Variants in CADM1 observed in about 807,000 individuals in gnomAD.
CADM1 encodes the protein TSLC-1.
Under a neutral mutation model 53.1 loss-of-function variants are expected in CADM1, and 15 were observed. The observed-to-expected ratio is 0.28, with a 90% confidence interval of 0.19 to 0.44. The LOEUF is 0.44. CADM1 is among the 20% of genes least tolerant of loss of function. The pLI, the probability that CADM1 is intolerant of heterozygous loss-of-function variation, is 1.00. For synonymous variants in CADM1, 281 were observed against 243.0 expected, an observed-to-expected ratio of 1.16 and a Z score of -1.45; for missense variants, 434 against 611.3, an observed-to-expected ratio of 0.71 and a Z score of 3.06.
At position 115,217,903 on chromosome 11, in the gene CADM1, G is replaced by A. The variant is rs770714520; in HGVS notation, c.810C>T (p.Ile270=). 30 of 1,612,766 alleles carry A rather than the reference G, an allele frequency of 1.9e-5. No homozygotes were observed. The highest frequency in any genetic ancestry group is 1.3e-4 in the East Asian group (6 of 44,870). ...GDALELTCEA[I]GKPQPVMVTW... ...CCTTCAGAACTTACTGGGGCTTCCC[G>A]ATGGCTTCACATGTTAACTCAAGCG... Residue 270 remains isoleucine, a synonymous_variant, in exon 6 of 12, where the codon ATC becomes ATT. Transcript: ENST00000331581.
chr11:115,417,683 GA>G (rs1229153767), intron 1 of CADM1, among the ~76,000 whole-genome samples: 1 of 152,290 alleles, frequency 6.6e-6, no homozygotes, highest in Admixed American at 6.5e-5. Flanking sequence ...AACCCAGTGG[GA>G]CAGAGTGGGA....
At chr11:115,269,399 T>G (rs983251633) in intron 1 of CADM1, among the ~76,000 whole-genome samples, 11 of 152,344 alleles carry the variant, frequency 7.2e-5, no homozygotes, top group African/African-American at 2.6e-4. Context: ...CACGCTTCGA[T>G]GCCCTCTTTG....
intron 1 of CADM1, among the ~76,000 whole-genome samples, chr11:115,495,611 T>C (rs1565455336): frequency 1.3e-5 from 2 of 152,182 alleles, no homozygotes; most frequent in Non-Finnish European, 1.5e-5. Flanking sequence ...TCTACCAAAA[T>C]GCAAAATGTA....
At chr11:115,415,399 C>T (rs220847) in intron 1 of CADM1, among the ~76,000 whole-genome samples, 54,840 of 151,800 alleles carry the variant, frequency 0.36, 11,113 homozygotes, top group Non-Finnish European at 0.47. Context: ...ATCCTATGGC[C>T]GGTAGCTAAA....
chr11:115,411,947 G>A (rs539019413), intron 1 of CADM1, among the ~76,000 whole-genome samples: 1 of 152,154 alleles, frequency 6.6e-6, no homozygotes, highest in South Asian at 2.1e-4. Context: ...AGCACCTCTT[G>A]ACAAGACTAA....
chr11:115,424,826 A>G (rs1947851491), intron 1 of CADM1, among the ~76,000 whole-genome samples: 1 of 152,116 alleles, frequency 6.6e-6, no homozygotes, highest in Non-Finnish European at 1.5e-5. Flanking sequence ...ACGCCCAGCC[A>G]GAAAACACAC....
At chr11:115,307,523 T>A (rs111615287) in intron 1 of CADM1, among the ~76,000 whole-genome samples, 3 of 148,684 alleles carry the variant, frequency 2.0e-5, no homozygotes, top group Admixed American at 1.3e-4. Flanking sequence ...AAAAAATATA[T>A]ATATATATAT....
At chr11:115,432,231 CA>C (rs1948073881) in intron 1 of CADM1, among the ~76,000 whole-genome samples, 1 of 152,110 alleles carries the variant, frequency 6.6e-6, no homozygotes, top group East Asian at 1.9e-4. Flanking sequence ...AGGCGTGAGC[CA>C]CCACACCCGG....
chr11:115,344,678 A>G (rs891270647), intron 1 of CADM1, among the ~76,000 whole-genome samples: 4 of 152,104 alleles, frequency 2.6e-5, no homozygotes, highest in African/African-American at 4.8e-5. Flanking sequence ...CCTGATCTAT[A>G]TATTTTTGCC....
At chr11:115,281,453 G>T (rs868033428) in intron 1 of CADM1, among the ~76,000 whole-genome samples, 2 of 152,162 alleles carry the variant, frequency 1.3e-5, no homozygotes, top group Non-Finnish European at 2.9e-5. Context: ...CGGGGGCAAA[G>T]CCACTTTCAA....
At chr11:115,338,863 CTTTTATTTTTTTTAT>C in intron 1 of CADM1, among the ~76,000 whole-genome samples, 1 of 93,218 alleles carries the variant, frequency 1.1e-5, no homozygotes, top group African/African-American at 3.3e-5. Context: ...GTTCCACCTT[CTTTTATTTTTTTTAT>C]TTTTTTTTTT....
intron 1 of CADM1, among the ~76,000 whole-genome samples, chr11:115,271,277 TTTGTTG>T (rs140375460): frequency 2.7e-4 from 41 of 151,830 alleles, no homozygotes; most frequent in African/African-American, 9.7e-4. Flanking sequence ...TTGTTGTTGT[TTTGTTG>T]TTGTTGTTGT....
chr11:115,502,679 A>G lies in CADM1; in HGVS notation c.124+1592T>C, dbSNP rs534572885. Among the ~76,000 whole-genome samples the G allele has an allele frequency of 4.1e-4, 62 of 152,106 alleles. 1 individual carries two copies. In the South Asian group the frequency reaches 0.011, roughly 28 times the overall value. On this transcript the variant is annotated intron_variant, in intron 1 of 11. Transcript: ENST00000331581. Reference sequence around the variant, plus strand: ...TTGACGCTGCTGCCAGACGCCCCCCAATAGGTTTCCCAAGCCGAGCTCCTT... The same window carrying G: ...TTGACGCTGCTGCCAGACGCCCCCCGATAGGTTTCCCAAGCCGAGCTCCTT...
At chr11:115,180,172 C>T (rs562059001) in intron 10 of CADM1, among the ~76,000 whole-genome samples, 5 of 152,190 alleles carry the variant, frequency 3.3e-5, no homozygotes, top group Admixed American at 2.0e-4. Flanking sequence ...CACTTTCTAT[C>T]GATATTTCCA....
intron 1 of CADM1, among the ~76,000 whole-genome samples, chr11:115,364,704 T>C (rs1946114698): frequency 6.6e-6 from 1 of 152,198 alleles, no homozygotes; most frequent in Non-Finnish European, 1.5e-5. Context: ...TCGTTGACAG[T>C]TTCACCTCTG....
intron 9 of CADM1, among the ~76,000 whole-genome samples, chr11:115,194,632 A>T (rs1339430771): frequency 6.6e-6 from 1 of 152,302 alleles, no homozygotes; most frequent in East Asian, 1.9e-4. Flanking sequence ...GGACAGGTAG[A>T]CTTGAAAATA....
At chr11:115,424,796 G>A (rs1947850957) in intron 1 of CADM1, among the ~76,000 whole-genome samples, 1 of 151,920 alleles carries the variant, frequency 6.6e-6, no homozygotes, top group African/African-American at 2.4e-5. Context: ...AAAGTGCTGG[G>A]ATTTCAGGCA....
At chr11:115,299,303 A>G (rs2135130975) in intron 1 of CADM1, among the ~76,000 whole-genome samples, 1 of 152,248 alleles carries the variant, frequency 6.6e-6, no homozygotes, top group Non-Finnish European at 1.5e-5. Context: ...CAGAACCACA[A>G]ATGGCCACTG....
intron 1 of CADM1, among the ~76,000 whole-genome samples, chr11:115,340,640 ATATATATATATATATATATT>A (rs1945407712): frequency 6.7e-5 from 2 of 29,808 alleles, no homozygotes; most frequent in Non-Finnish European, 1.5e-4. Flanking sequence ...ATATATATAT[ATATATATATATATATATATT>A]TTTTTTTTTT....
Sources: gnomAD v4.1 joint callset for allele counts (sites outside exome capture counted in the v4.1 genomes callset) on GRCh38, gnomAD v4.1.1 for gene constraint, MANE v1.5 for transcripts, NCBI Gene and HGNC (gene_info 2026-07-23, HGNC 2026-07-21) for gene names.